Variants in RBMS3 observed in about 807,000 individuals in gnomAD.
RBMS3 encodes RNA-binding motif, single-stranded-interacting protein 3.
In RBMS3, 27 loss-of-function variants were observed where a neutral mutation model predicts 66.8. The ratio of observed to expected loss-of-function variants is 0.40; its 90% CI spans 0.30 to 0.56. The LOEUF (loss-of-function observed/expected upper bound fraction) is 0.56, where lower values mean the gene tolerates loss of function less well. RBMS3 is among the 20% of genes least tolerant of loss of function. The pLI, the probability that RBMS3 is intolerant of heterozygous loss-of-function variation, is 0.40. For synonymous variants in RBMS3, 188 were observed against 183.0 expected (o/e 1.03, Z -0.22); for missense variants, 513 against 549.5 (o/e 0.93, Z 0.66).
At chr3:29,295,453 A>C (rs1292212868) in intron 1 of RBMS3, among the ~76,000 whole-genome samples, 1 of 150,490 alleles carries the variant, frequency 6.6e-6, no homozygotes, top group Non-Finnish European at 1.5e-5. Context: ...ATATCTAGGG[A>C]AATAATTCAA....
intron 12 of RBMS3, among the ~76,000 whole-genome samples, chr3:29,972,456 C>T (rs868655370): frequency 3.4e-5 from 5 of 148,008 alleles, no homozygotes; most frequent in Non-Finnish European, 5.9e-5. Context: ...CTTTTCTTCT[C>T]TCCATTTTCT....
chr3:29,404,450 A>G (rs1015280640), intron 1 of RBMS3, among the ~76,000 whole-genome samples: 5 of 152,260 alleles, frequency 3.3e-5, no homozygotes, highest in African/African-American at 1.2e-4. Flanking sequence ...GGTACAGCTT[A>G]CTATCTAAAT....
chr3:29,956,010 G>C lies in RBMS3; in HGVS notation c.1098+11756G>C, dbSNP rs549653582. ...GTGGACTATAATTAAATAAATTCTG[G>C]AAATGGAAATGACTAGTGTATTATT... is the stretch of plus-strand genomic sequence containing the variant. On this transcript the variant is annotated intron_variant, in intron 12 of 14. Transcript: ENST00000383767. Among the ~76,000 whole-genome samples the C allele has an allele frequency of 3.3e-5, 5 of 152,096 alleles. No individual in the cohort carries two copies. The South Asian group carries it at 6.2e-4, about 19-fold the overall frequency.
chr3:29,756,473 T>C (rs921821176), intron 5 of RBMS3, among the ~76,000 whole-genome samples: 7 of 152,136 alleles, frequency 4.6e-5, no homozygotes, highest in African/African-American at 1.7e-4. Context: ...TTGTCTTACA[T>C]GGCAGTAGGC....
chr3:29,479,356 T>C (rs985846303), intron 2 of RBMS3, among the ~76,000 whole-genome samples: 60 of 151,004 alleles, frequency 4.0e-4, no homozygotes, highest in African/African-American at 1.4e-3. Flanking sequence ...CAATCATTAG[T>C]GGGTGTTTCT....
At chr3:29,784,875 C>A (rs1195593650) in intron 6 of RBMS3, among the ~76,000 whole-genome samples, 1 of 151,840 alleles carries the variant, frequency 6.6e-6, no homozygotes, top group Non-Finnish European at 1.5e-5. Context: ...CAAAGAAATA[C>A]AAAAGATTAT....
chr3:29,564,390 G>A (rs1400173941), intron 3 of RBMS3, among the ~76,000 whole-genome samples: 1 of 151,646 alleles, frequency 6.6e-6, no homozygotes, highest in Non-Finnish European at 1.5e-5. Context: ...GGAGGCTGAA[G>A]CAGGAGAATC....
intron 12 of RBMS3, among the ~76,000 whole-genome samples, chr3:29,968,201 G>A (rs1559847153): frequency 6.6e-6 from 1 of 152,052 alleles, no homozygotes; most frequent in African/African-American, 2.4e-5. Context: ...CACCCGGCCT[G>A]CCCCCGTAAC....
chr3:29,402,835 A>G lies in RBMS3; in HGVS notation c.76-31908A>G, dbSNP rs74499209. On this transcript the variant is annotated intron_variant, in intron 1 of 14. Coordinates refer to ENST00000383767, the MANE Select transcript of RBMS3 (RefSeq NM_001003793.3). ...TATAATACTGAAGCTGGATTGATAA[A>G]GAAGAATTCAAATTGAGGGCTAGGA... Among the ~76,000 whole-genome samples the G allele has an allele frequency of 9.8e-3, 1,494 of 152,160 alleles. 56 individuals carry two copies. Among genetic ancestry groups the G allele is most frequent in the Admixed American group, 0.086 (1,310 of 15,264 alleles).
Position 29,641,106 on chromosome 3 carries a change from C to T in RBMS3, c.399+53901C>T, listed in dbSNP as rs1214759753. The T allele has an allele frequency of 2.0e-5, 3 of 151,904 alleles. No homozygotes were observed. In the East Asian group the frequency reaches 5.8e-4, roughly 29 times the overall value. The allele number at this position is 151,904 out of a possible 1,614,324, so 9.4% of individuals were successfully genotyped here. ...TCTATAGTCTCACCTCCGAAGCAAG[C>T]GATAACTGTCATTTTGGTATCTTTT... On this transcript the variant is annotated intron_variant, in intron 4 of 14. Transcript: ENST00000383767.
intron 6 of RBMS3, among the ~76,000 whole-genome samples, chr3:29,851,940 C>G (rs1268354043): frequency 1.3e-5 from 2 of 152,166 alleles, no homozygotes; most frequent in East Asian, 3.8e-4. Flanking sequence ...TACTACATAG[C>G]TACAGTAACC....
At chr3:29,641,668 CT>C (rs1419640738) in intron 4 of RBMS3, among the ~76,000 whole-genome samples, 5 of 151,954 alleles carry the variant, frequency 3.3e-5, no homozygotes, top group African/African-American at 1.2e-4. Flanking sequence ...GTTTTTTTCT[CT>C]CTTGTATACT....
intron 1 of RBMS3, among the ~76,000 whole-genome samples, chr3:29,302,752 T>C (rs983536063): frequency 2.0e-5 from 3 of 152,026 alleles, no homozygotes; most frequent in Non-Finnish European, 4.4e-5. Flanking sequence ...CCCTTGCCAA[T>C]AGAGAGAAGT....
rs576285706 is a variant in RBMS3 at position 30,004,577 on chromosome 3, T to C, written c.*715T>C. 244 of 152,282 alleles carry C rather than the reference T, an allele frequency of 1.6e-3. No homozygotes were observed. Among genetic ancestry groups the C allele is most frequent in the African/African-American group, 5.7e-3 (238 of 41,510 alleles). The allele number at this position is 152,282 out of a possible 1,614,324, so 9.4% of individuals were successfully genotyped here. On this transcript the variant is annotated 3_prime_UTR_variant, in exon 15 of 15. Transcript: ENST00000383767. Reference sequence around the variant, plus strand: ...AATGTTTTTCTTCATTTGAAGAAAATTTGTTGATAAACCATGGCAACTGCA... The same window carrying C: ...AATGTTTTTCTTCATTTGAAGAAAACTTGTTGATAAACCATGGCAACTGCA...
At chr3:29,699,688 C>T (rs1265240379) in intron 4 of RBMS3, among the ~76,000 whole-genome samples, 4 of 151,982 alleles carry the variant, frequency 2.6e-5, no homozygotes, top group Admixed American at 6.6e-5. Context: ...TTTTAGTGTC[C>T]GCATAGTATG....
chr3:29,836,309 G>A (rs2058506786), intron 6 of RBMS3, among the ~76,000 whole-genome samples: 1 of 152,042 alleles, frequency 6.6e-6, no homozygotes, highest in African/African-American at 2.4e-5. Flanking sequence ...GACACCATGA[G>A]AACAGAAAAT....
chr3:29,773,242 T>A (rs2056286374), intron 6 of RBMS3, among the ~76,000 whole-genome samples: 1 of 152,038 alleles, frequency 6.6e-6, no homozygotes, highest in Non-Finnish European at 1.5e-5. Context: ...AAGCTCTAAA[T>A]GCCCTAAATC....
intron 5 of RBMS3, among the ~76,000 whole-genome samples, chr3:29,743,948 A>C: frequency 8.3e-6 from 1 of 120,070 alleles, no homozygotes; most frequent in African/African-American, 3.3e-5. Flanking sequence ...TCCTGTGTCC[A>C]TGTGTTCTCA....
At chr3:29,544,323 T>C (rs2045869404) in intron 3 of RBMS3, among the ~76,000 whole-genome samples, 1 of 152,162 alleles carries the variant, frequency 6.6e-6, no homozygotes, top group Non-Finnish European at 1.5e-5. Flanking sequence ...TTAATTCATG[T>C]TCAATTAAAT....
Sources: allele counts gnomAD v4.1 joint callset (sites outside exome capture counted in the v4.1 genomes callset), GRCh38; gene constraint gnomAD v4.1.1; transcripts MANE v1.5; gene names NCBI Gene and HGNC (gene_info 2026-07-23, HGNC 2026-07-21).